Variants in GRIK2 observed in about 807,000 individuals in gnomAD.
GRIK2 encodes glutamate receptor ionotropic, kainate 2.
GRIK2 carries 32 observed loss-of-function variants against 100.3 expected under a neutral mutation model. That is an observed-to-expected ratio of 0.32 (90% CI 0.24 to 0.43). The LOEUF (loss-of-function observed/expected upper bound fraction) is 0.43. Among genes scored for constraint, GRIK2 ranks in the 20% least tolerant of loss-of-function variants. The pLI, the probability that GRIK2 is intolerant of heterozygous loss-of-function variation, is 1.00. For missense variants in GRIK2, 843 were observed against 1,114.9 expected (o/e 0.76, Z 3.47); for synonymous variants, 417 against 389.4 (o/e 1.07, Z -0.83).
chr6:101,703,684 G>A (rs922076686), intron 7 of GRIK2, among the ~76,000 whole-genome samples: 1 of 151,602 alleles, frequency 6.6e-6, no homozygotes, highest in Non-Finnish European at 1.5e-5. Context: ...TTGAATTAAG[G>A]CATGTTTATA....
chr6:101,841,285 A>C (rs1030287782), intron 10 of GRIK2, among the ~76,000 whole-genome samples: 4 of 152,166 alleles, frequency 2.6e-5, no homozygotes, highest in African/African-American at 9.7e-5. Flanking sequence ...TTTAGAGGAT[A>C]CTGGGTTAAG....
rs540791853 is a variant in GRIK2, at chr6:101,642,999, A to G, written c.541+16362A>G. Among the ~76,000 whole-genome samples, 4 of 151,874 alleles carry G rather than the reference A, an allele frequency of 2.6e-5. No homozygotes were observed. In the South Asian group the frequency reaches 8.3e-4, roughly 31 times the overall value. On this transcript the variant is annotated intron_variant, in intron 4 of 16. Transcript: ENST00000369134. ...TTAATGATGTTAAACACATTTCTAT[A>G]TTCTTATTGATCATTTGAATATTTT...
rs77574678 is a variant in GRIK2 at position 101,421,443 on chromosome 6, G to A, written c.115+22051G>A. On this transcript the variant is annotated intron_variant, in intron 2 of 16. Transcript: ENST00000369134. ...GAAGGCAATGTGGGACCTTCCAGTT[G>A]TCTGCGTCTCCCCAAGCCTGAGAAA... 5.2e-3 allele frequency among the ~76,000 whole-genome samples: 790 copies of A among 152,286 alleles called. 2 individuals carry two copies. The highest frequency in any genetic ancestry group is 8.2e-3 in the Non-Finnish European group (561 of 68,020).
At chr6:101,803,546 T>G (rs1312920167) in intron 9 of GRIK2, among the ~76,000 whole-genome samples, 2 of 151,888 alleles carry the variant, frequency 1.3e-5, no homozygotes, top group Non-Finnish European at 2.9e-5. Context: ...CCTTCCTAAC[T>G]GTCTCACTCT....
At chr6:101,681,488 G>C (rs2128342041) in intron 5 of GRIK2, among the ~76,000 whole-genome samples, 1 of 148,684 alleles carries the variant, frequency 6.7e-6, no homozygotes, top group East Asian at 2.0e-4. Flanking sequence ...TCCTGCCTTG[G>C]TTTCCCGAAG....
At chr6:101,456,132 TA>T (rs1181183306) in intron 2 of GRIK2, among the ~76,000 whole-genome samples, 24 of 148,176 alleles carry the variant, frequency 1.6e-4, no homozygotes, top group African/African-American at 2.7e-4. Flanking sequence ...TTTTTTTTTT[TA>T]AAAAAAGAGA....
rs192985543 is a variant in GRIK2 at position 102,030,443 on chromosome 6, C to T, written c.2086-4898C>T. Among the ~76,000 whole-genome samples, 4 of 150,856 alleles carry T rather than the reference C, an allele frequency of 2.7e-5. No individual in the cohort carries two copies. The East Asian group carries it at 7.8e-4, about 30-fold the overall frequency. ...TTTTCTTTTTGGCACTTACTGCTAC[C>T]AGTTTACTTTCCTCAAATCCTTTCT... is the stretch of plus-strand genomic sequence containing the variant. On this transcript the variant is annotated intron_variant, in intron 14 of 16. Coordinates refer to ENST00000369134, the MANE Select transcript of GRIK2 (RefSeq NM_021956.5).
At chr6:102,047,504 CTT>C (rs1426529042) in intron 15 of GRIK2, among the ~76,000 whole-genome samples, 1 of 152,060 alleles carries the variant, frequency 6.6e-6, no homozygotes, top group Non-Finnish European at 1.5e-5. Flanking sequence ...AATCTCAGTA[CTT>C]TGGGAGGCCG....
intron 2 of GRIK2, among the ~76,000 whole-genome samples, chr6:101,432,208 T>C (rs1242146014): frequency 6.6e-6 from 1 of 152,068 alleles, no homozygotes. Flanking sequence ...CCCTCGTCCA[T>C]ATTTTATATT....
chr6:101,824,772 A>G (rs1047992989), intron 10 of GRIK2, among the ~76,000 whole-genome samples: 1 of 152,144 alleles, frequency 6.6e-6, no homozygotes, highest in Non-Finnish European at 1.5e-5. Context: ...TTATTTTCCC[A>G]GTACTTTGTG....
chr6:101,662,797 G>C (rs1257413815), intron 4 of GRIK2, among the ~76,000 whole-genome samples: 2 of 151,956 alleles, frequency 1.3e-5, no homozygotes, highest in Non-Finnish European at 2.9e-5. Context: ...TTGCATATCT[G>C]TCTCACCACC....
intron 14 of GRIK2, among the ~76,000 whole-genome samples, chr6:101,962,838 C>T (rs1309697042): frequency 1.3e-5 from 2 of 151,782 alleles, no homozygotes; most frequent in African/African-American, 2.4e-5. Flanking sequence ...TTTTGTTTTT[C>T]AAACCTACTA....
intron 2 of GRIK2, among the ~76,000 whole-genome samples, chr6:101,480,417 C>T (rs1772465712): frequency 2.0e-5 from 3 of 151,892 alleles, no homozygotes; most frequent in Non-Finnish European, 4.4e-5. Context: ...TCCCTTTTTC[C>T]TCTCTTAGCA....
chr6:101,417,395 A>T (rs1776202418), intron 2 of GRIK2, among the ~76,000 whole-genome samples: 1 of 152,140 alleles, frequency 6.6e-6, no homozygotes, highest in Non-Finnish European at 1.5e-5. Flanking sequence ...CCATCTTCTA[A>T]TGGAGCCTAT....
At chr6:101,707,576 A>ATG (rs56168617) in intron 7 of GRIK2, among the ~76,000 whole-genome samples, 5 of 125,306 alleles carry the variant, frequency 4.0e-5, no homozygotes, top group Middle Eastern at 4.2e-3. Context: ...ATATATGTGT[A>ATG]TGTGTGTGTG....
At chr6:101,494,971 T>TTTTATATATA (rs1554209024) in intron 2 of GRIK2, among the ~76,000 whole-genome samples, 42 of 107,958 alleles carry the variant, frequency 3.9e-4, no homozygotes, top group East Asian at 1.3e-3. Context: ...ATATATGCAT[T>TTTTATATATA]TATATATATA....
At chr6:101,738,562 G>A (rs570348912) in intron 7 of GRIK2, among the ~76,000 whole-genome samples, 2 of 152,112 alleles carry the variant, frequency 1.3e-5, no homozygotes, top group Non-Finnish European at 2.9e-5. Context: ...TATCCTTTGA[G>A]ACACTGGTCT....
At chr6:101,815,199 T>C (rs1363383139) in intron 9 of GRIK2, among the ~76,000 whole-genome samples, 1 of 152,018 alleles carries the variant, frequency 6.6e-6, no homozygotes, top group African/African-American at 2.4e-5. Flanking sequence ...CAGGAAAAAA[T>C]AGGACCACAA....
chr6:101,618,351 A>G (rs1779995221), intron 2 of GRIK2, among the ~76,000 whole-genome samples: 2 of 151,692 alleles, frequency 1.3e-5, no homozygotes, highest in African/African-American at 2.4e-5. Flanking sequence ...TTCATCAGAT[A>G]CTATTTCATT....
Sources: allele counts gnomAD v4.1 joint callset (sites outside exome capture counted in the v4.1 genomes callset), GRCh38; gene constraint gnomAD v4.1.1; transcripts MANE v1.5; gene names NCBI Gene and HGNC (gene_info 2026-07-23, HGNC 2026-07-21).